The following GLYATL3 variants were observed in gnomAD, a reference collection of about 807,000 sequenced individuals.
GLYATL3 encodes glycine-N-acyltransferase like 3.
A neutral mutation model predicts 28.5 loss-of-function variants in GLYATL3; 31 were observed. The ratio of observed to expected loss-of-function variants is 1.09; its 90% CI spans 0.82 to 1.47. GLYATL3 has a LOEUF of 1.47. Among genes scored for constraint, GLYATL3 ranks in the 40% most tolerant of loss-of-function variants. GLYATL3 has a pLI of 0.00. For missense variants in GLYATL3, 369 were observed against 351.5 expected, an observed-to-expected ratio of 1.05 and a Z score of -0.40; for synonymous variants, 141 against 140.2, an observed-to-expected ratio of 1.01 and a Z score of -0.04.
intron 1 of GLYATL3, among the ~76,000 whole-genome samples, chr6:49,509,948 C>CTCTTTCTTTCTT (rs71540239): frequency 0.011 from 1,145 of 100,176 alleles, 18 homozygotes; most frequent in South Asian, 0.019. Context: ...TATTTTCTTT[C>CTCTTTCTTTCTT]TCTTTCTTTC....
rs192637417 is a variant in GLYATL3 at position 49,526,534 on chromosome 6, G to A, written c.487G>A (p.Asp163Asn). Residue 163 changes from aspartate to asparagine, a missense_variant, in exon 6 of 6, where the codon GAT becomes AAT. Transcript: ENST00000371197. ...AACCTACCTGAGTGTTGCCAATGCG[G>A]ATCTACTCAACCGGACTTGGTCCCG... ...RLTYLSVANA[D>N]LLNRTWSRGG... The A allele has an allele frequency of 3.5e-4, 537 of 1,551,756 alleles. 2 individuals are homozygous for A. In the African/African-American group the frequency reaches 6.6e-3, roughly 19 times the overall value.
In GLYATL3 at chr6:49,514,982, A is replaced by G. The variant is rs537168132; in HGVS notation, c.79-671A>G. Among the ~76,000 whole-genome samples the G allele has an allele frequency of 4.6e-5, 7 of 152,278 alleles. No individual in the cohort carries two copies. The South Asian group carries it at 1.2e-3, about 27-fold the overall frequency. ...GTGAAAGGCCACAGAAAGAATTATA[A>G]TATTATTCCAGTTTGGTTGAGTCAC... On this transcript the variant is annotated intron_variant, in intron 2 of 5. Transcript: ENST00000371197.
At position 49,512,063 on chromosome 6, in the gene GLYATL3, C is replaced by T; in HGVS notation, c.73C>T (p.Leu25Phe). Residue 25 changes from leucine to phenylalanine, a missense_variant, in exon 2 of 6, where the codon CTC (leucine) becomes TTC (phenylalanine). Physicochemically the swap from Leu to Phe is conservative, Grantham distance 22. Coordinates refer to ENST00000371197, the MANE Select transcript of GLYATL3 (RefSeq NM_001010904.2). ...KMLKSCFPES[L>F]KVYGAVMNIN... ...GTTGAAGAGTTGCTTTCCTGAATCA[C>T]TCAAGGTACCATAAAATTAATAATT... 1 of 1,196,180 alleles carries T rather than the reference C, an allele frequency of 8.4e-7. No homozygotes were observed. The highest frequency in any genetic ancestry group is 1.2e-6 in the Non-Finnish European group (1 of 832,788). 74.1% of individuals were successfully genotyped at this position (1,196,180 alleles called of 1,614,324 possible).
At chr6:49,514,800 T>C (rs1769184189) in intron 2 of GLYATL3, among the ~76,000 whole-genome samples, 1 of 152,078 alleles carries the variant, frequency 6.6e-6, no homozygotes, top group Non-Finnish European at 1.5e-5. Context: ...GCCACTGAAC[T>C]CCAGCCTGGG....
At chr6:49,501,282 G>C (rs927851752) in intron 1 of GLYATL3, among the ~76,000 whole-genome samples, 1 of 152,010 alleles carries the variant, frequency 6.6e-6, no homozygotes, top group South Asian at 2.1e-4. Flanking sequence ...GGTGTGTATC[G>C]CGGGAGCTGG....
chr6:49,526,426 T>C, intron 5 of GLYATL3, 62 bp from the exon 6 acceptor site: 2 of 1,392,100 alleles, frequency 1.4e-6, no homozygotes, highest in Non-Finnish European at 2.0e-6. Context: ...AAAAAAAATG[T>C]GTAGTTATGT....
intron 3 of GLYATL3, 105 bp downstream of exon 3, chr6:49,515,865 A>ACTAT (rs113145900): frequency 0.44 from 291,320 of 668,712 alleles, 68,645 homozygotes; most frequent in East Asian, 0.68. Flanking sequence ...AGCTTACAAC[A>ACTAT]CTGTTTCACC....
chr6:49,506,075 TGA>T (rs1487878852), intron 1 of GLYATL3, among the ~76,000 whole-genome samples: 1 of 152,166 alleles, frequency 6.6e-6, no homozygotes, highest in Admixed American at 6.5e-5. Context: ...CTGAGATAAT[TGA>T]TGTCACCTAG....
intron 1 of GLYATL3, among the ~76,000 whole-genome samples, chr6:49,508,827 A>G (rs1769063773): frequency 6.6e-6 from 1 of 152,066 alleles, no homozygotes; most frequent in Non-Finnish European, 1.5e-5. Flanking sequence ...CAATAGTTTC[A>G]GGGGGTCTGC....
At chr6:49,513,347 A>G (rs959114802) in intron 2 of GLYATL3, among the ~76,000 whole-genome samples, 1 of 152,002 alleles carries the variant, frequency 6.6e-6, no homozygotes, top group Non-Finnish European at 1.5e-5. Flanking sequence ...TCAACTCAAC[A>G]TTCACCCTTT....
chr6:49,504,347 G>T (rs970118318), intron 1 of GLYATL3, among the ~76,000 whole-genome samples: 9 of 150,668 alleles, frequency 6.0e-5, no homozygotes, highest in African/African-American at 2.0e-4. Context: ...CAAAATTTCA[G>T]GTGTCTAGCA....
At chr6:49,505,750 C>G (rs1769000510) in intron 1 of GLYATL3, among the ~76,000 whole-genome samples, 1 of 152,140 alleles carries the variant, frequency 6.6e-6, no homozygotes, top group African/African-American at 2.4e-5. Context: ...ACATCCTAAC[C>G]CAATCAAAGT....
chr6:49,504,282 C>T (rs1352635958), intron 1 of GLYATL3, among the ~76,000 whole-genome samples: 23 of 129,930 alleles, frequency 1.8e-4, no homozygotes, highest in African/African-American at 6.7e-4. Flanking sequence ...TTGTTTTTTG[C>T]TGTGGTGTTT....
Position 49,527,345 on chromosome 6 carries a change from T to C in GLYATL3, c.*431T>C, listed in dbSNP as rs1257917011. Among the ~76,000 whole-genome samples the C allele has an allele frequency of 1.3e-5, 2 of 152,210 alleles. No individual in the cohort carries two copies. The highest frequency in any genetic ancestry group is 4.8e-5 in the African/African-American group (2 of 41,446). On this transcript the variant is annotated 3_prime_UTR_variant, in exon 6 of 6. Coordinates refer to ENST00000371197, the MANE Select transcript of GLYATL3 (RefSeq NM_001010904.2). The stretch of plus-strand genomic sequence containing the variant: ...TGCCATCATATTCCCCTGTCCCCAC[T>C]GCTATGTCTCATCAACCTCTGTTCC...
chr6:49,518,644 A>T (rs1769258446), intron 4 of GLYATL3, among the ~76,000 whole-genome samples: 1 of 152,206 alleles, frequency 6.6e-6, no homozygotes, highest in Non-Finnish European at 1.5e-5. Flanking sequence ...CAGATGTCAT[A>T]TAAAATTTAT....
intron 1 of GLYATL3, among the ~76,000 whole-genome samples, chr6:49,504,314 CATT>C (rs1450690436): frequency 6.8e-6 from 1 of 147,152 alleles, no homozygotes; most frequent in African/African-American, 2.5e-5. Flanking sequence ...TTCTCTGTCT[CATT>C]GTTGCATGCA....
intron 4 of GLYATL3, among the ~76,000 whole-genome samples, chr6:49,520,773 T>C (rs1769299212): frequency 6.6e-6 from 1 of 152,122 alleles, no homozygotes; most frequent in African/African-American, 2.4e-5. Context: ...CCAAGCGCTT[T>C]GGGAGACCAA....
chr6:49,511,181 T>C (rs992547105), intron 1 of GLYATL3, among the ~76,000 whole-genome samples: 5 of 152,156 alleles, frequency 3.3e-5, no homozygotes, highest in Non-Finnish European at 5.9e-5. Context: ...TTTAATTCAG[T>C]CCATCCCTGA....
At chr6:49,520,471 C>G (rs1384434170) in intron 4 of GLYATL3, among the ~76,000 whole-genome samples, 2 of 152,132 alleles carry the variant, frequency 1.3e-5, no homozygotes, top group African/African-American at 2.4e-5. Flanking sequence ...GCTTAACTCC[C>G]TGAGGGAGGA....
Sources: gnomAD v4.1 joint callset for allele counts (sites outside exome capture counted in the v4.1 genomes callset) on GRCh38, gnomAD v4.1.1 for gene constraint, MANE v1.5 for transcripts, NCBI Gene and HGNC (gene_info 2026-07-23, HGNC 2026-07-21) for gene names.